Variants in POLA2 observed in about 807,000 individuals in gnomAD.
POLA2 encodes the protein DNA polymerase alpha subunit B.
In POLA2, 47 loss-of-function variants were observed where a neutral mutation model predicts 82.8. That is an observed-to-expected ratio of 0.57 (90% CI 0.45 to 0.72). The LOEUF is 0.72. Among genes scored for constraint, POLA2 ranks in the 30% least tolerant of loss-of-function variants. POLA2 has a pLI of 0.00. For missense variants in POLA2, 634 were observed against 728.1 expected, an observed-to-expected ratio of 0.87 and a Z score of 1.49; for synonymous variants, 287 against 286.8, an observed-to-expected ratio of 1.00 and a Z score of -0.01.
chr11:65,285,414 T>G (rs1271562414), intron 10 of POLA2, among the ~76,000 whole-genome samples: 8 of 150,420 alleles, frequency 5.3e-5, no homozygotes, highest in African/African-American at 2.0e-4. Context: ...AAAAAAAAAT[T>G]AGCTGGGTGT....
At chr11:65,272,730 C>T (rs1041062234) in intron 4 of POLA2, among the ~76,000 whole-genome samples, 14 of 152,054 alleles carry the variant, frequency 9.2e-5, no homozygotes, top group Non-Finnish European at 1.6e-4. Context: ...ATGATGAAAC[C>T]GGCCACTGCG....
At chr11:65,264,579 G>A (rs1440592088) in intron 1 of POLA2, among the ~76,000 whole-genome samples, 1 of 152,094 alleles carries the variant, frequency 6.6e-6, no homozygotes. Context: ...ACTCTCAGCT[G>A]ACAAATTTCT....
intron 4 of POLA2, among the ~76,000 whole-genome samples, chr11:65,272,828 A>G (rs1484477544): frequency 6.6e-6 from 1 of 151,946 alleles, no homozygotes; most frequent in Non-Finnish European, 1.5e-5. Context: ...CCTGGCCAAC[A>G]TGGTGAAACC....
At chr11:65,292,303 TGTTTGCG>T (rs1237889071) in intron 13 of POLA2, among the ~76,000 whole-genome samples, 1 of 152,224 alleles carries the variant, frequency 6.6e-6, no homozygotes, top group Non-Finnish European at 1.5e-5. Flanking sequence ...GTTCTCGTCC[TGTTTGCG>T]GGAGCAGCTG....
chr11:65,292,010 G>A (rs1052327209), intron 13 of POLA2, among the ~76,000 whole-genome samples: 7 of 152,210 alleles, frequency 4.6e-5, no homozygotes, highest in South Asian at 2.1e-4. Flanking sequence ...AGACTGAGGC[G>A]GGCAGATCAC....
At chr11:65,303,934 C>A (rs907681781) in intron 8 of POLA2, among the ~76,000 whole-genome samples, 1 of 152,132 alleles carries the variant, frequency 6.6e-6, no homozygotes, top group African/African-American at 2.4e-5. Context: ...TCTGCTGCCA[C>A]CCAGAGCTGC....
At position 65,268,661 on chromosome 11, in the gene POLA2, A is replaced by G. The variant is rs762498628; in HGVS notation, c.297-11A>G. ...CCAGCCATTATTGTTTTTCTTAACC[A>G]GTGTTCTTAGAATTGAAGTGGAAGA... On this transcript the variant is annotated splice_polypyrimidine_tract_variant and intron_variant, in intron 3 of 17. Coordinates refer to ENST00000265465, the MANE Select transcript of POLA2 (RefSeq NM_002689.4). 4 of 1,578,920 alleles carry G rather than the reference A, an allele frequency of 2.5e-6. No individual in the cohort carries two copies. In the South Asian group the frequency reaches 4.5e-5, roughly 18 times the overall value.
rs34183279 is a variant in POLA2, at chr11:65,290,248, CAAA to C, written c.1244+394_1244+396del. Among the ~76,000 whole-genome samples, 296 of 71,222 alleles carry C rather than the reference CAAA, an allele frequency of 4.2e-3. 1 individual carries two copies. The highest frequency in any genetic ancestry group is 0.014 in the African/African-American group (269 of 19,756). The allele number at this position is 71,222 out of a possible 152,430, so 46.7% of individuals were successfully genotyped here. On this transcript the variant is annotated intron_variant, in intron 13 of 17. Coordinates refer to ENST00000265465, the MANE Select transcript of POLA2 (RefSeq NM_002689.4). ...AGGCAAAAAGAGCGCAACTCCATCT[CAAA>C]AAAAAAAAAAAAAAAAAGCTGGGCG...
chr11:65,288,725 G>A (rs1248046317), intron 11 of POLA2, among the ~76,000 whole-genome samples: 2 of 152,104 alleles, frequency 1.3e-5, no homozygotes, highest in Non-Finnish European at 2.9e-5. Context: ...TCACCATATT[G>A]CCCAGGCTAG....
intron 1 of POLA2, among the ~76,000 whole-genome samples, chr11:65,264,047 C>T (rs1298245710): frequency 6.6e-6 from 1 of 151,954 alleles, no homozygotes; most frequent in Non-Finnish European, 1.5e-5. Flanking sequence ...GACAGTCAAC[C>T]GTATTTCCCT....
downstream of POLA2, among the ~76,000 whole-genome samples, chr11:65,302,845 C>T (rs1014153245): frequency 3.3e-5 from 5 of 152,038 alleles, no homozygotes; most frequent in East Asian, 3.9e-4. Context: ...CTCTTGCATC[C>T]GCCTCCTGAG....
chr11:65,286,137 A>G (rs1270974086), intron 10 of POLA2, among the ~76,000 whole-genome samples: 1 of 152,230 alleles, frequency 6.6e-6, no homozygotes, highest in Non-Finnish European at 1.5e-5. Context: ...AGAGAATCAG[A>G]GTCAGAGCTT....
chr11:65,264,996 G>A (rs984795116), intron 1 of POLA2, among the ~76,000 whole-genome samples: 2 of 152,190 alleles, frequency 1.3e-5, no homozygotes, highest in Non-Finnish European at 2.9e-5. Flanking sequence ...TTTGGGAGGC[G>A]GAGGAGGGCG....
rs375409386 is a variant in POLA2 at position 65,294,757 on chromosome 11, A to C, written c.1460+105A>C. 1.7e-4 allele frequency: 130 copies of C among 755,932 alleles called. No homozygotes were observed. The African/African-American group carries it at 2.2e-3, about 13-fold the overall frequency. 46.8% of individuals were successfully genotyped at this position (755,932 alleles called of 1,614,324 possible). ...GGCTGCTTAACGGTCTTGACCAGAG[A>C]GAGCTGAAAGCAGCAAGCTGTGCCA... On this transcript the variant is annotated intron_variant, in intron 15 of 17. Transcript: ENST00000265465.
intron 4 of POLA2, among the ~76,000 whole-genome samples, chr11:65,272,076 G>A (rs1034319199): frequency 2.0e-5 from 3 of 152,122 alleles, no homozygotes; most frequent in African/African-American, 4.8e-5. Flanking sequence ...TTGGGAGGCC[G>A]AGGTGGGAGG....
chr11:65,296,520 C>A (rs911932952), intron 17 of POLA2: 1 of 158,352 alleles, frequency 6.3e-6, no homozygotes, highest in East Asian at 1.9e-4. Flanking sequence ...AAGTTTTTCA[C>A]ATGAGAAAGC....
Position 65,262,093 on chromosome 11 carries a change from A to G in POLA2, c.-200A>G. 1 of 556,846 alleles carries G rather than the reference A, an allele frequency of 1.8e-6. No individual in the cohort carries two copies. The highest frequency in any genetic ancestry group is 3.2e-6 in the Non-Finnish European group (1 of 315,686). 34.5% of individuals were successfully genotyped at this position (556,846 alleles called of 1,614,324 possible). A position where few individuals can be genotyped will look rare whatever the true frequency, so the allele number is the denominator to read the frequency against. On this transcript the variant is annotated 5_prime_UTR_variant, in exon 1 of 18. Coordinates refer to ENST00000265465, the MANE Select transcript of POLA2 (RefSeq NM_002689.4). ...TTGGGAGCCACCCCTTCATTTTTTA[A>G]AAAAAGTATTTCTCTGTGACCGACG...
chr11:65,280,792 G>A (rs1454576247), intron 7 of POLA2, 200 bp from the exon 8 acceptor site: 2 of 564,106 alleles, frequency 3.5e-6, no homozygotes, highest in Non-Finnish European at 6.3e-6. Context: ...TGGGTGGATG[G>A]GTGGACAAGA....
Position 65,273,845 on chromosome 11 carries a change from GA to G in POLA2, c.355-2037del, listed in dbSNP as rs202103555. Among the ~76,000 whole-genome samples, 805 of 146,138 alleles carry G rather than the reference GA, an allele frequency of 5.5e-3. 10 individuals are homozygous for G. Among genetic ancestry groups the G allele is most frequent in the East Asian group, 0.042 (210 of 5,054 alleles). ...TTGACCCAGTAATTCTCCCTAGGGG[GA>G]AAAAAAAAACTCTTCTGAAGAAATA... On this transcript the variant is annotated intron_variant, in intron 4 of 17. Coordinates refer to ENST00000265465, the MANE Select transcript of POLA2 (RefSeq NM_002689.4).
Sources: gnomAD v4.1 joint callset for allele counts (sites outside exome capture counted in the v4.1 genomes callset) on GRCh38, gnomAD v4.1.1 for gene constraint, MANE v1.5 for transcripts, NCBI Gene and HGNC (gene_info 2026-07-23, HGNC 2026-07-21) for gene names.